ETV6: variants seen among roughly 807,000 people sequenced by gnomAD.
ETV6 encodes ETS variant transcription factor 6.
ETV6 carries 16 observed loss-of-function variants against 51.1 expected under a neutral mutation model. That is an observed-to-expected ratio of 0.31 (90% CI 0.21 to 0.48). The LOEUF (loss-of-function observed/expected upper bound fraction) is 0.48, where lower values mean the gene tolerates loss of function less well. Among genes scored for constraint, ETV6 ranks in the 20% least tolerant of loss-of-function variants. ETV6 has a pLI of 0.99. For synonymous variants in ETV6, 240 were observed against 224.1 expected, an observed-to-expected ratio of 1.07 and a Z score of -0.64; for missense variants, 458 against 594.8, an observed-to-expected ratio of 0.77 and a Z score of 2.39.
intron 2 of ETV6, among the ~76,000 whole-genome samples, chr12:11,783,937 A>G (rs1945445750): frequency 6.6e-6 from 1 of 152,162 alleles, no homozygotes; most frequent in South Asian, 2.1e-4. Flanking sequence ...GATTGAGCCA[A>G]GCTGGGGTCC....
chr12:11,709,228 C>T (rs1184540032), intron 1 of ETV6, among the ~76,000 whole-genome samples: 1 of 152,164 alleles, frequency 6.6e-6, no homozygotes, highest in East Asian at 1.9e-4. Flanking sequence ...TATACCTCTA[C>T]CTTCTTCCTC....
intron 1 of ETV6, among the ~76,000 whole-genome samples, chr12:11,751,613 A>C (rs1476878914): frequency 6.6e-6 from 1 of 152,232 alleles, no homozygotes; most frequent in African/African-American, 2.4e-5. Context: ...AGTTTGTTTT[A>C]ATTGATCTAA....
At chr12:11,888,400 T>TTTCTTTTCTTTTC (rs1380691199) in intron 7 of ETV6, among the ~76,000 whole-genome samples, 3 of 144,426 alleles carry the variant, frequency 2.1e-5, no homozygotes, top group South Asian at 2.1e-4. Flanking sequence ...TTTCTTTTCT[T>TTTCTTTTCTTTTC]TTTTTTTTTT....
chr12:11,861,264 A>G (rs995359241), intron 4 of ETV6, among the ~76,000 whole-genome samples: 6 of 152,076 alleles, frequency 3.9e-5, no homozygotes, highest in African/African-American at 1.2e-4. Flanking sequence ...AGGGCCCACG[A>G]GCACCACTTA....
rs1947292241 is a variant in ETV6, at chr12:11,891,819, A to C, written c.*773A>C. 2.9e-6 allele frequency: 1 copy of C among 339,136 alleles called. No individual in the cohort carries two copies. The highest frequency in any genetic ancestry group is 4.0e-5 in the Admixed American group (1 of 24,832). The allele number at this position is 339,136 out of a possible 1,614,324, so 21.0% of individuals were successfully genotyped here. A position where few individuals can be genotyped will look rare whatever the true frequency, so the allele number is the denominator to read the frequency against. ...GGTGCTTTGTGGCCAGCAGCACAGAATCAAACCCGCATCCCAGCATTGGGC... is the reference window on the plus strand; with the variant it reads ...GGTGCTTTGTGGCCAGCAGCACAGACTCAAACCCGCATCCCAGCATTGGGC... On this transcript the variant is annotated 3_prime_UTR_variant, in exon 8 of 8. Transcript: ENST00000396373.
At chr12:11,835,327 A>AT (rs1339749743) in intron 2 of ETV6, among the ~76,000 whole-genome samples, 1 of 152,254 alleles carries the variant, frequency 6.6e-6, no homozygotes, top group African/African-American at 2.4e-5. Context: ...ATAGTATAAT[A>AT]TAGGTGCAGA....
At chr12:11,839,030 G>A in intron 2 of ETV6, 110 bp from the exon 3 acceptor site, 1 of 1,158,742 alleles carries the variant, frequency 8.6e-7, no homozygotes, top group Non-Finnish European at 1.2e-6. Flanking sequence ...GGGCTCTTGA[G>A]ATGTGGAGAC....
chr12:11,693,583 G>A (rs1028692502), intron 1 of ETV6, among the ~76,000 whole-genome samples: 14 of 152,108 alleles, frequency 9.2e-5, no homozygotes, highest in Middle Eastern at 3.2e-3. Context: ...ACCCAAGTTC[G>A]GACTCAGGAA....
chr12:11,839,047 T>G, intron 2 of ETV6, 93 bp from the exon 3 acceptor site: 1 of 1,325,084 alleles, frequency 7.5e-7, no homozygotes. Flanking sequence ...AGACTCATTT[T>G]GTTAACTATT....
At chr12:11,673,994 A>G (rs1176443892) in intron 1 of ETV6, among the ~76,000 whole-genome samples, 1 of 152,190 alleles carries the variant, frequency 6.6e-6, no homozygotes. Context: ...TATCTCAGGG[A>G]ATTTCTCTTT....
intron 1 of ETV6, among the ~76,000 whole-genome samples, chr12:11,668,121 G>A (rs537679719): frequency 3.3e-5 from 5 of 151,976 alleles, no homozygotes; most frequent in East Asian, 1.9e-4. Context: ...GGTGTGAACC[G>A]CCACACCCAG....
intron 2 of ETV6, among the ~76,000 whole-genome samples, chr12:11,790,095 C>A (rs1032058513): frequency 2.3e-4 from 12 of 51,908 alleles, no homozygotes; most frequent in Non-Finnish European, 4.8e-4. Flanking sequence ...TTTTTGTCAG[C>A]ACTTCTTTTT....
At chr12:11,701,590 G>A (rs1851753503) in intron 1 of ETV6, among the ~76,000 whole-genome samples, 1 of 152,176 alleles carries the variant, frequency 6.6e-6, no homozygotes, top group Non-Finnish European at 1.5e-5. Context: ...GGCACATCCT[G>A]TCTTCCTGAG....
chr12:11,728,132 T>C (rs774721778), intron 1 of ETV6, among the ~76,000 whole-genome samples: 1 of 152,210 alleles, frequency 6.6e-6, no homozygotes, highest in Non-Finnish European at 1.5e-5. Flanking sequence ...CCCCTTCTTA[T>C]AACACTTGAG....
chr12:11,840,216 T>C (rs1295055186), intron 3 of ETV6, among the ~76,000 whole-genome samples: 2 of 152,218 alleles, frequency 1.3e-5, no homozygotes, highest in Non-Finnish European at 2.9e-5. Context: ...AATTAAGGGC[T>C]CCTGATAATG....
chr12:11,657,692 C>T (rs1055081003), intron 1 of ETV6, among the ~76,000 whole-genome samples: 7 of 152,164 alleles, frequency 4.6e-5, no homozygotes, highest in African/African-American at 1.7e-4. Flanking sequence ...ATACGGAAAA[C>T]GACTTCATTT....
chr12:11,789,564 T>G (rs1945549674), intron 2 of ETV6, among the ~76,000 whole-genome samples: 1 of 152,170 alleles, frequency 6.6e-6, no homozygotes, highest in Non-Finnish European at 1.5e-5. Flanking sequence ...GGAGGACAAT[T>G]TCCAATAGCT....
At chr12:11,760,089 C>A (rs1353613227) in intron 2 of ETV6, among the ~76,000 whole-genome samples, 2 of 152,178 alleles carry the variant, frequency 1.3e-5, no homozygotes, top group African/African-American at 4.8e-5. Context: ...GTTCATTTTT[C>A]TGATCTCTTC....
intron 2 of ETV6, among the ~76,000 whole-genome samples, chr12:11,801,247 A>G (rs536711341): frequency 7.2e-5 from 11 of 152,240 alleles, no homozygotes; most frequent in Non-Finnish European, 1.3e-4. Flanking sequence ...TTGGCCTTTA[A>G]AAGAACGAGG....
Sources: gnomAD v4.1 joint callset for allele counts (sites outside exome capture counted in the v4.1 genomes callset) on GRCh38, gnomAD v4.1.1 for gene constraint, MANE v1.5 for transcripts, NCBI Gene and HGNC (gene_info 2026-07-23, HGNC 2026-07-21) for gene names.